The following PTGER3 variants were observed in gnomAD, a reference collection of about 807,000 sequenced individuals.
PTGER3 encodes the protein prostaglandin E2 receptor EP3 subtype.
PTGER3 carries 22 observed loss-of-function variants against 34.7 expected under a neutral mutation model. The observed-to-expected ratio is 0.63, with a 90% CI of 0.45 to 0.91. The LOEUF is 0.91. PTGER3 is among the 40% of genes least tolerant of loss of function. The pLI is 0.00. For missense variants in PTGER3, 468 were observed against 519.4 expected, an observed-to-expected ratio of 0.90 and a Z score of 0.96; for synonymous variants, 241 against 230.1, an observed-to-expected ratio of 1.05 and a Z score of -0.43.
intron 2 of PTGER3, among the ~76,000 whole-genome samples, chr1:70,984,953 A>G (rs1654771930): frequency 6.6e-6 from 1 of 152,154 alleles, no homozygotes; most frequent in African/African-American, 2.4e-5. Flanking sequence ...ATTGGTGATA[A>G]TATTGTCTTC....
At chr1:70,990,851 C>T (rs1009417630) in intron 2 of PTGER3, among the ~76,000 whole-genome samples, 5 of 151,972 alleles carry the variant, frequency 3.3e-5, no homozygotes, top group Non-Finnish European at 7.4e-5. Context: ...ATATTAATGG[C>T]AATAAAAACA....
At chr1:70,955,517 G>T (rs568932394) in intron 2 of PTGER3, among the ~76,000 whole-genome samples, 4 of 152,190 alleles carry the variant, frequency 2.6e-5, no homozygotes, top group African/African-American at 9.6e-5. Flanking sequence ...AGGGAAGGAA[G>T]ATAAGGAGGA....
At chr1:70,882,221 A>G (rs1646405142) in intron 4 of PTGER3, among the ~76,000 whole-genome samples, 2 of 152,278 alleles carry the variant, frequency 1.3e-5, no homozygotes, top group South Asian at 2.1e-4. Flanking sequence ...TACCATTGGC[A>G]TGGGTGTGTG....
chr1:70,934,291 C>T (rs747756254), intron 4 of PTGER3, among the ~76,000 whole-genome samples: 118 of 152,094 alleles, frequency 7.8e-4, no homozygotes, highest in African/African-American at 2.4e-3. Context: ...ATTAGGCTAC[C>T]GCATATTGTT....
chr1:71,027,035 G>A (rs1308535955), intron 1 of PTGER3, among the ~76,000 whole-genome samples: 1 of 152,150 alleles, frequency 6.6e-6, no homozygotes, highest in African/African-American at 2.4e-5. Flanking sequence ...CCCAGTGAGA[G>A]CAATTCTTAC....
chr1:70,969,698 A>G (rs892434371), downstream of PTGER3, among the ~76,000 whole-genome samples: 13 of 152,200 alleles, frequency 8.5e-5, no homozygotes, highest in African/African-American at 3.1e-4. Context: ...GACAAAAATT[A>G]TCGTGAGGTC....
At chr1:70,905,937 CAT>C (rs754052571) in intron 4 of PTGER3, among the ~76,000 whole-genome samples, 75 of 152,292 alleles carry the variant, frequency 4.9e-4, no homozygotes, top group Non-Finnish European at 9.0e-4. Context: ...ACAATTGCCA[CAT>C]GTCATGGGAA....
chr1:70,947,233 A>G (rs781627443), intron 4 of PTGER3: 1 of 152,126 alleles, frequency 6.6e-6, no homozygotes, highest in Non-Finnish European at 1.5e-5. Context: ...CCAAATTTCA[A>G]CTTGAATTGT....
At chr1:70,991,968 G>A (rs1458494295) in intron 2 of PTGER3, among the ~76,000 whole-genome samples, 1 of 152,020 alleles carries the variant, frequency 6.6e-6, no homozygotes, top group Non-Finnish European at 1.5e-5. Context: ...AATAATAATA[G>A]GCTATATTTA....
intron 4 of PTGER3, among the ~76,000 whole-genome samples, chr1:70,874,524 C>G (rs1488366973): frequency 6.6e-6 from 1 of 152,148 alleles, no homozygotes; most frequent in African/African-American, 2.4e-5. Context: ...TTAGGCCTCT[C>G]TGTGTTCTAA....
chr1:70,934,253 C>A (rs188783359), intron 4 of PTGER3, among the ~76,000 whole-genome samples: 83 of 152,272 alleles, frequency 5.5e-4, no homozygotes, highest in Non-Finnish European at 9.4e-4. Flanking sequence ...ACAACTCCAA[C>A]CAAGACTTTG....
intron 1 of PTGER3, among the ~76,000 whole-genome samples, chr1:71,021,649 A>G (rs1658432279): frequency 6.6e-6 from 1 of 151,880 alleles, no homozygotes; most frequent in East Asian, 1.9e-4. Context: ...CCCAAAATAT[A>G]GTTTCATTTA....
intron 4 of PTGER3, among the ~76,000 whole-genome samples, chr1:70,946,796 T>C (rs556958826): frequency 6.6e-6 from 1 of 152,316 alleles, no homozygotes; most frequent in South Asian, 2.1e-4. Flanking sequence ...CTTCAGTTCA[T>C]TTGGCTGGGG....
chr1:71,016,818 G>T (rs1382712206), intron 1 of PTGER3, among the ~76,000 whole-genome samples: 2 of 147,896 alleles, frequency 1.4e-5, no homozygotes, highest in Non-Finnish European at 3.0e-5. Flanking sequence ...AAAAAAAATT[G>T]TATGTATATA....
At chr1:70,968,764 C>T (rs994666282), downstream of PTGER3, among the ~76,000 whole-genome samples, 3 of 151,644 alleles carry the variant, frequency 2.0e-5, no homozygotes, top group Non-Finnish European at 4.4e-5. Flanking sequence ...TATACAGTTT[C>T]TCTACATCAG....
At chr1:70,948,857 A>G (rs1650470379), downstream of PTGER3, among the ~76,000 whole-genome samples, 1 of 152,130 alleles carries the variant, frequency 6.6e-6, no homozygotes, top group South Asian at 2.1e-4. Context: ...GCTTCTGCCA[A>G]CCCTACTCTC....
At chr1:70,981,894 C>A (rs995747731) in intron 2 of PTGER3, among the ~76,000 whole-genome samples, 4 of 152,110 alleles carry the variant, frequency 2.6e-5, no homozygotes, top group Admixed American at 6.6e-5. Flanking sequence ...CATGGCCCTC[C>A]AGTGCACCCT....
chr1:71,022,663 C>T (rs999934561), intron 1 of PTGER3, among the ~76,000 whole-genome samples: 1 of 151,612 alleles, frequency 6.6e-6, no homozygotes, highest in East Asian at 1.9e-4. Context: ...GTATGCTCAC[C>T]AATCCTAATT....
At chr1:70,925,625 A>C (rs975917259) in intron 4 of PTGER3, among the ~76,000 whole-genome samples, 4 of 152,192 alleles carry the variant, frequency 2.6e-5, no homozygotes, top group African/African-American at 7.2e-5. Context: ...ATGCAAAAAT[A>C]AGAGTAAATC....
Sources: allele counts gnomAD v4.1 joint callset (sites outside exome capture counted in the v4.1 genomes callset), GRCh38; gene constraint gnomAD v4.1.1; transcripts MANE v1.5; gene names NCBI Gene and HGNC (gene_info 2026-07-23, HGNC 2026-07-21).